The following MRGPRF variants were observed in gnomAD, a reference collection of about 807,000 sequenced individuals.
The protein encoded by MRGPRF is MAS related GPR family member F.
A neutral mutation model predicts 3.3 loss-of-function variants in MRGPRF; 2 were observed. The ratio of observed to expected loss-of-function variants is 0.61; its 90% confidence interval spans 0.25 to 1.92. The LOEUF (loss-of-function observed/expected upper bound fraction) is 1.92, where lower values mean the gene tolerates loss of function less well. Ranked by LOEUF, MRGPRF falls within the 40% of genes most tolerant of loss-of-function variation. MRGPRF has a pLI of 0.16. For synonymous variants in MRGPRF, 242 were observed against 222.7 expected, an observed-to-expected ratio of 1.09 and a Z score of -0.77; for missense variants, 500 against 476.0, an observed-to-expected ratio of 1.05 and a Z score of -0.47.
Position 69,005,398 on chromosome 11 carries a change from C to G in MRGPRF, c.912G>C (p.Glu304Asp). Residue 304 changes from glutamate (E) to aspartate (D), a missense_variant, in exon 3 of 3, where the codon GAG (glutamate) becomes GAC (aspartate). Transcript: ENST00000309099. ...AGRDKSQRLW[E>D]PLRVVFQRAL... is the part of the protein sequence containing the mutation. ...CCCGCTGGAAGACCACCCTGAGCGG[C>G]TCCCACAGCCGCTGCGACTTGTCCC... 1.3e-6 allele frequency: 2 copies of G among 1,578,550 alleles called. No individual in the cohort carries two copies. Among genetic ancestry groups the G allele is most frequent in the Non-Finnish European group, 1.7e-6 (2 of 1,162,826 alleles).
chr11:69,010,785 C>T (rs1350243394), intron 1 of MRGPRF, among the ~76,000 whole-genome samples: 1 of 151,944 alleles, frequency 6.6e-6, no homozygotes, highest in Non-Finnish European at 1.5e-5. Context: ...TAGGGGGTGA[C>T]CCTGCTGGAG....
rs1488018465 is a variant in MRGPRF, at chr11:69,005,866, G to A, written c.444C>T (p.Pro148=). 3.2e-6 allele frequency: 5 copies of A among 1,558,078 alleles called. No individual in the cohort carries two copies. In the East Asian group the frequency reaches 7.0e-5, roughly 22 times the overall value. The part of the protein sequence containing the change: ...SAERCASVIF[P]AWYWRRRPKR... ...TGGGCCGCCGGCGCCAGTACCAGGCGGGGAAGATGACCGAGGCGCAGCGCT... is the reference window on the plus strand; with the variant it reads ...TGGGCCGCCGGCGCCAGTACCAGGCAGGGAAGATGACCGAGGCGCAGCGCT... The change falls in exon 3 of 3, where the codon CCC becomes CCT. Residue 148 remains proline (P), a synonymous_variant. Transcript: ENST00000309099.
Position 69,005,888 on chromosome 11 carries a change from CGCTCGGCGCTGACG to C in MRGPRF, c.408_421del (p.Val137LeufsTer136). ...GGCGGGGAAGATGACCGAGGCGCAG[CGCTCGGCGCTGACG>C]GCCGGCAGGAGGCTCACGCCGGTAA... On this transcript the variant is annotated frameshift_variant, in exon 3 of 3. Transcript: ENST00000309099. LOFTEE classifies it low-confidence loss of function (END_TRUNC). The C allele has an allele frequency of 1.3e-6, 2 of 1,566,738 alleles. No individual in the cohort carries two copies. Among genetic ancestry groups the C allele is most frequent in the South Asian group, 1.2e-5 (1 of 85,268 alleles).
chr11:69,005,117 A>C lies in MRGPRF; in HGVS notation c.*161T>G. 1.1e-6 allele frequency: 1 copy of C among 931,168 alleles called. No individual in the cohort carries two copies. The highest frequency in any genetic ancestry group is 1.5e-6 in the Non-Finnish European group (1 of 653,380). 57.7% of individuals were successfully genotyped at this position (931,168 alleles called of 1,614,324 possible). On this transcript the variant is annotated 3_prime_UTR_variant, in exon 3 of 3. Coordinates refer to ENST00000309099, the MANE Select transcript of MRGPRF (RefSeq NM_145015.5). ...TTTGCTGGTGGCTGCCCAGTCTCCCAGCCACCCCTGGAGTCCCCAGCCCAG... is the reference window on the plus strand; with the variant it reads ...TTTGCTGGTGGCTGCCCAGTCTCCCCGCCACCCCTGGAGTCCCCAGCCCAG...
chr11:69,005,845 C>T lies in MRGPRF; in HGVS notation c.465G>A (p.Arg155=). 6.5e-7 allele frequency: 1 copy of T among 1,537,708 alleles called. No homozygotes were observed. The highest frequency in any genetic ancestry group is 8.7e-7 in the Non-Finnish European group (1 of 1,143,652). The change falls in exon 3 of 3, where the codon CGG becomes CGA. Residue 155 remains arginine, a synonymous_variant. Transcript: ENST00000309099. ...VIFPAWYWRR[R]PKRLSAVVCA... ...ACACCACGGCCGACAGGCGCTTGGG[C>T]CGCCGGCGCCAGTACCAGGCGGGGA...
At chr11:69,008,901 A>G (rs994760366) in intron 2 of MRGPRF, among the ~76,000 whole-genome samples, 1 of 152,222 alleles carries the variant, frequency 6.6e-6, no homozygotes, top group Non-Finnish European at 1.5e-5. Context: ...CCTTGGAGTC[A>G]GAGGGGGAGG....
At chr11:69,007,718 A>G (rs2154012655) in intron 2 of MRGPRF, among the ~76,000 whole-genome samples, 1 of 152,244 alleles carries the variant, frequency 6.6e-6, no homozygotes, top group East Asian at 1.9e-4. Context: ...AAAAAAAAAC[A>G]ACGAGTGGAT....
chr11:69,005,244 C>A lies in MRGPRF; in HGVS notation c.*34G>T. The A allele has an allele frequency of 6.9e-7, 1 of 1,457,490 alleles. No homozygotes were observed. Among genetic ancestry groups the A allele is most frequent in the Non-Finnish European group, 9.0e-7 (1 of 1,111,226 alleles). The allele number at this position is 1,457,490 out of a possible 1,614,324, so 90.3% of individuals were successfully genotyped here. ...CCAAGGCGAAGGGTCTTGGAGGCCG[C>A]TTCCTGCCCCTGCCTCCTCCAGGCG... On this transcript the variant is annotated 3_prime_UTR_variant, in exon 3 of 3. Coordinates refer to ENST00000309099, the MANE Select transcript of MRGPRF (RefSeq NM_145015.5).
Position 69,005,975 on chromosome 11 carries a change from G to T in MRGPRF, c.335C>A (p.Ala112Asp). 6.4e-7 allele frequency: 1 copy of T among 1,565,380 alleles called. No individual in the cohort carries two copies. Among genetic ancestry groups the T allele is most frequent in the Non-Finnish European group, 8.7e-7 (1 of 1,154,988 alleles). ...LNTGGFLGTF[A>D]DYIRSVCRVL... ...CCGGCACACGCTGCGGATGTAGTCGGCAAACGTGCCCAGGAAGCCCCCCGT... is the reference window on the plus strand; with the variant it reads ...CCGGCACACGCTGCGGATGTAGTCGTCAAACGTGCCCAGGAAGCCCCCCGT... The change falls in exon 3 of 3, where the codon GCC becomes GAC. Residue 112 changes from alanine to aspartate, a missense_variant. Ala to Asp is a moderately radical substitution (Grantham distance 126, BLOSUM62 -2). Coordinates refer to ENST00000309099, the MANE Select transcript of MRGPRF (RefSeq NM_145015.5).
Position 69,005,320 on chromosome 11 carries a change from T to A in MRGPRF, c.990A>T (p.Thr330=). Residue 330 remains threonine, a synonymous_variant, in exon 3 of 3, where the codon ACA becomes ACT. Coordinates refer to ENST00000309099, the MANE Select transcript of MRGPRF (RefSeq NM_145015.5). ...LGEAGGSTPN[T]VTMEMQCPPG... is the part of the protein sequence containing the mutation. ...GGGGACACTGCATCTCCATGGTGAC[T>A]GTGTTGGGCGTGCTGCCCCCGGCCT... is the stretch of plus-strand genomic sequence containing the variant. The A allele has an allele frequency of 2.6e-6, 4 of 1,545,672 alleles. No homozygotes were observed. Among genetic ancestry groups the A allele is most frequent in the Non-Finnish European group, 3.5e-6 (4 of 1,149,522 alleles).
chr11:69,006,619 C>CTTT (rs11326908), intron 2 of MRGPRF, among the ~76,000 whole-genome samples: 23,352 of 107,660 alleles, frequency 0.22, 2,905 homozygotes, highest in South Asian at 0.26. Context: ...GAGCCTTTCC[C>CTTT]TTTTTTTTTT....
chr11:69,010,203 A>G (rs1304439673), intron 1 of MRGPRF, among the ~76,000 whole-genome samples: 2 of 152,252 alleles, frequency 1.3e-5, no homozygotes, highest in Non-Finnish European at 2.9e-5. Context: ...CTCACTGGAA[A>G]AGAAGCCCTC....
Position 69,005,414 on chromosome 11 carries a change from G to A in MRGPRF, c.896C>T (p.Ser299Leu), listed in dbSNP as rs1296210806. 3.2e-6 allele frequency: 5 copies of A among 1,584,234 alleles called. No individual in the cohort carries two copies. Among genetic ancestry groups the A allele is most frequent in the African/African-American group, 1.3e-5 (1 of 74,266 alleles). ...CCTGAGCGGCTCCCACAGCCGCTGC[G>A]ACTTGTCCCTCCCGGCCAGGAAGTA... ...IVYFLAGRDK[S>L]QRLWEPLRVV... The change falls in exon 3 of 3, where the codon TCG (serine) becomes TTG (leucine). Residue 299 changes from serine (S) to leucine (L), a missense_variant. Physicochemically the swap from Ser to Leu is moderately radical, Grantham distance 145. Transcript: ENST00000309099.
chr11:69,007,856 G>T (rs2154012670), intron 2 of MRGPRF, among the ~76,000 whole-genome samples: 1 of 152,322 alleles, frequency 6.6e-6, no homozygotes, highest in East Asian at 1.9e-4. Flanking sequence ...TGGAGGAGAG[G>T]CAGCAGCTAT....
intron 1 of MRGPRF, among the ~76,000 whole-genome samples, chr11:69,010,703 C>T (rs1860576350): frequency 6.6e-6 from 1 of 152,136 alleles, no homozygotes; most frequent in Non-Finnish European, 1.5e-5. Flanking sequence ...GAGCAGCTGC[C>T]GTAGGGAGGG....
intron 1 of MRGPRF, among the ~76,000 whole-genome samples, chr11:69,010,921 C>T (rs1391816601): frequency 3.3e-5 from 5 of 152,148 alleles, no homozygotes; most frequent in African/African-American, 1.2e-4. Context: ...GCCCTGTGCC[C>T]CTTCCCCGCA....
rs1224678333 is a variant in MRGPRF, at chr11:69,005,423, C to T, written c.887G>A (p.Arg296Lys). ...CTCCCACAGCCGCTGCGACTTGTCC[C>T]TCCCGGCCAGGAAGTAGACGATGGG... ...AKPIVYFLAG[R>K]DKSQRLWEPL... The change falls in exon 3 of 3, where the codon AGG (arginine) becomes AAG (lysine). Residue 296 changes from arginine (R) to lysine (K), a missense_variant. By Grantham distance (26) the Arg-to-Lys change is conservative. Transcript: ENST00000309099. 6.3e-7 allele frequency: 1 copy of T among 1,587,266 alleles called. No individual in the cohort carries two copies. The highest frequency in any genetic ancestry group is 8.6e-7 in the Non-Finnish European group (1 of 1,167,088).
rs770516157 is a variant in MRGPRF, at chr11:69,006,174, C to T, written c.136G>A (p.Val46Ile). 5.0e-6 allele frequency: 8 copies of T among 1,613,836 alleles called. No homozygotes were observed. Among genetic ancestry groups the T allele is most frequent in the African/African-American group, 2.7e-5 (2 of 74,950 alleles). ...AGGAGCAGGAAGATGTAGTTCATGA[C>T]GGCCGGAGGCGGCAGCATCGCGATC... ...EQIAMLPPPA[V>I]MNYIFLLLCL... is the part of the protein sequence containing the mutation. The change falls in exon 3 of 3, where the codon GTC becomes ATC. Residue 46 changes from valine (V) to isoleucine (I), a missense_variant. Transcript: ENST00000309099.
At position 69,005,445 on chromosome 11, in the gene MRGPRF, T is replaced by C; in HGVS notation, c.865A>G (p.Ile289Val). The change falls in exon 3 of 3, where the codon ATC becomes GTC. Residue 289 changes from isoleucine to valine, a missense_variant. Coordinates refer to ENST00000309099, the MANE Select transcript of MRGPRF (RefSeq NM_145015.5). ...CICINSSAKP[I>V]VYFLAGRDKS... ...TCCCTCCCGGCCAGGAAGTAGACGA[T>C]GGGCTTGGCGCTGCTGTTGATGCAG... The C allele has an allele frequency of 1.9e-6, 3 of 1,589,734 alleles. No individual in the cohort carries two copies. Among genetic ancestry groups the C allele is most frequent in the Non-Finnish European group, 2.6e-6 (3 of 1,168,336 alleles).
Sources: gnomAD v4.1 joint callset for allele counts (sites outside exome capture counted in the v4.1 genomes callset) on GRCh38, gnomAD v4.1.1 for gene constraint, MANE v1.5 for transcripts, NCBI Gene and HGNC (gene_info 2026-07-23, HGNC 2026-07-21) for gene names.